CDH8: variants seen among roughly 807,000 people sequenced by gnomAD.
CDH8 encodes cadherin 8.
A neutral mutation model predicts 68.1 loss-of-function variants in CDH8; 17 were observed. The ratio of observed to expected loss-of-function variants is 0.25; its 90% CI spans 0.17 to 0.37. The LOEUF is 0.37. Ranked by LOEUF, CDH8 falls within the 10% of genes least tolerant of loss-of-function variation. The pLI is 1.00. For synonymous variants in CDH8, 372 were observed against 365.1 expected (o/e 1.02, Z -0.21); for missense variants, 763 against 999.3 (o/e 0.76, Z 3.19).
chr16:61,921,684 A>G (rs941679281), intron 2 of CDH8, among the ~76,000 whole-genome samples: 1 of 152,192 alleles, frequency 6.6e-6, no homozygotes, highest in Non-Finnish European at 1.5e-5. Context: ...AATCAGCAAA[A>G]GAGCCATTAC....
intron 10 of CDH8, among the ~76,000 whole-genome samples, chr16:61,687,517 A>G (rs542496881): frequency 1.3e-5 from 2 of 152,104 alleles, no homozygotes; most frequent in Non-Finnish European, 2.9e-5. Context: ...GATATTATAA[A>G]GGTCTTGATG....
intron 2 of CDH8, among the ~76,000 whole-genome samples, chr16:61,960,057 G>A (rs575066133): frequency 1.5e-5 from 2 of 130,698 alleles, no homozygotes; most frequent in East Asian, 2.3e-4. Context: ...GTATGTATGT[G>A]TGTGTGTATA....
chr16:61,759,601 C>T (rs1960413159), intron 8 of CDH8, among the ~76,000 whole-genome samples: 1 of 152,078 alleles, frequency 6.6e-6, no homozygotes, highest in Admixed American at 6.6e-5. Context: ...CACTATTTAC[C>T]AGTAACTGCC....
At chr16:61,790,327 T>C (rs989513143) in intron 7 of CDH8, among the ~76,000 whole-genome samples, 1 of 152,052 alleles carries the variant, frequency 6.6e-6, no homozygotes, top group Non-Finnish European at 1.5e-5. Flanking sequence ...TTTATTAATA[T>C]CTTTTTTATA....
chr16:61,728,618 C>G (rs542448650), intron 8 of CDH8, among the ~76,000 whole-genome samples: 3 of 151,284 alleles, frequency 2.0e-5, no homozygotes, highest in South Asian at 4.1e-4. Flanking sequence ...TAACTTATGA[C>G]TCTAACACAA....
chr16:61,659,425 A>G (rs1567407322), intron 10 of CDH8, among the ~76,000 whole-genome samples: 1 of 152,174 alleles, frequency 6.6e-6, no homozygotes, highest in Non-Finnish European at 1.5e-5. Context: ...CAGTTGGAGG[A>G]CGATTTTCTG....
At chr16:61,733,886 T>A (rs1226081595) in intron 8 of CDH8, among the ~76,000 whole-genome samples, 1 of 152,078 alleles carries the variant, frequency 6.6e-6, no homozygotes, top group Non-Finnish European at 1.5e-5. Flanking sequence ...AAATGATCAA[T>A]GAATACCTCA....
intron 8 of CDH8, among the ~76,000 whole-genome samples, chr16:61,741,490 A>AG (rs1959871040): frequency 1.3e-5 from 2 of 152,074 alleles, no homozygotes; most frequent in African/African-American, 4.8e-5. Context: ...AACTTTTGGA[A>AG]GGTCTATTAT....
chr16:61,892,938 T>C (rs1245989167), intron 3 of CDH8, among the ~76,000 whole-genome samples: 2 of 152,202 alleles, frequency 1.3e-5, no homozygotes, highest in African/African-American at 4.8e-5. Flanking sequence ...AATGCAGTTA[T>C]AGAGCTGAAC....
At chr16:61,835,659 T>G (rs943633843) in intron 4 of CDH8, among the ~76,000 whole-genome samples, 4 of 151,964 alleles carry the variant, frequency 2.6e-5, no homozygotes, top group African/African-American at 9.7e-5. Context: ...ATGAAAACAT[T>G]TCCAGGGACA....
chr16:61,857,625 T>C (rs541290472), intron 3 of CDH8, among the ~76,000 whole-genome samples: 1 of 152,250 alleles, frequency 6.6e-6, no homozygotes, highest in East Asian at 1.9e-4. Context: ...TACAACTAAA[T>C]GTACCTGGAA....
chr16:61,987,134 G>T (rs948475887), intron 2 of CDH8, among the ~76,000 whole-genome samples: 4 of 152,178 alleles, frequency 2.6e-5, no homozygotes, highest in Non-Finnish European at 5.9e-5. Flanking sequence ...GTTTACAGGA[G>T]AATGTATAAA....
At chr16:61,749,140 T>C (rs111947315) in intron 8 of CDH8, among the ~76,000 whole-genome samples, 35 of 152,148 alleles carry the variant, frequency 2.3e-4, no homozygotes, top group African/African-American at 8.4e-4. Context: ...TAGGTTCTTG[T>C]GGGTATCAGA....
chr16:61,862,250 G>C (rs1308515423), intron 3 of CDH8, among the ~76,000 whole-genome samples: 1 of 151,928 alleles, frequency 6.6e-6, no homozygotes, highest in Non-Finnish European at 1.5e-5. Context: ...ATTGCTCTGA[G>C]AGCAAAAATA....
At chr16:62,032,106 C>G (rs978183695) in intron 1 of CDH8, 1 of 152,168 alleles carries the variant, frequency 6.6e-6, no homozygotes, top group Non-Finnish European at 1.5e-5. Flanking sequence ...AAAAATTGTT[C>G]TATTTCATAA....
rs1315911994 is a variant in CDH8, at chr16:61,734,705, C to G, written c.1415-7490G>C. On this transcript the variant is annotated intron_variant, in intron 8 of 11. Transcript: ENST00000577390. ...ACAAGAGTTGTTTAGAGTTATTAAG[C>G]TGTGTAGTAAATATTCTATCTATCC... Among the ~76,000 whole-genome samples, 5 of 152,166 alleles carry G rather than the reference C, an allele frequency of 3.3e-5. No individual in the cohort carries two copies. In the East Asian group the frequency reaches 9.7e-4, roughly 29 times the overall value.
At chr16:61,772,901 TCACTACTC>T (rs1487271894) in intron 8 of CDH8, among the ~76,000 whole-genome samples, 2 of 152,038 alleles carry the variant, frequency 1.3e-5, no homozygotes, top group Non-Finnish European at 2.9e-5. Flanking sequence ...TGTCATAGAC[TCACTACTC>T]CATTCATAAC....
At chr16:61,801,606 C>G (rs534045425) in intron 7 of CDH8, among the ~76,000 whole-genome samples, 1 of 152,138 alleles carries the variant, frequency 6.6e-6, no homozygotes, top group Non-Finnish European at 1.5e-5. Flanking sequence ...CCAGTGGGTG[C>G]GTGCACCATG....
chr16:61,969,365 T>C (rs1965302843), intron 2 of CDH8, among the ~76,000 whole-genome samples: 1 of 151,768 alleles, frequency 6.6e-6, no homozygotes, highest in Admixed American at 6.6e-5. Context: ...ATCTTCCCTT[T>C]CTGAATCTTT....
Sources: gnomAD v4.1 joint callset for allele counts (sites outside exome capture counted in the v4.1 genomes callset) on GRCh38, gnomAD v4.1.1 for gene constraint, MANE v1.5 for transcripts, NCBI Gene and HGNC (gene_info 2026-07-23, HGNC 2026-07-21) for gene names.